PAQR4: variants seen among roughly 807,000 people sequenced by gnomAD.
The protein encoded by PAQR4 is progestin and adipoQ receptor family member IV.
Under a neutral mutation model 20.9 loss-of-function variants are expected in PAQR4, and 26 were observed. That is an observed-to-expected ratio of 1.24 (90% confidence interval 0.91 to 1.73). The LOEUF (loss-of-function observed/expected upper bound fraction) is 1.73, where lower values mean the gene tolerates loss of function less well. Ranked by LOEUF, PAQR4 falls within the 40% of genes most tolerant of loss-of-function variation. The pLI, the probability that PAQR4 is intolerant of heterozygous loss-of-function variation, is 0.00. For synonymous variants in PAQR4, 193 were observed against 171.6 expected (o/e 1.12, Z -0.97); for missense variants, 400 against 380.1 (o/e 1.05, Z -0.44).
intron 2 of PAQR4, 23 bp from the exon 3 acceptor site, chr16:2,971,492 T>G (rs1399697148): frequency 6.3e-7 from 1 of 1,576,762 alleles, no homozygotes; most frequent in East Asian, 2.2e-5. Flanking sequence ...ACATGCCCTC[T>G]CCTGTTCTCT....
Position 2,971,710 on chromosome 16 carries a change from TG to T in PAQR4, c.587del (p.Gly196ValfsTer24). On this transcript the variant is annotated frameshift_variant, in exon 3 of 3. Transcript: ENST00000318782. LOFTEE classifies it high-confidence loss of function. ...LLVFGARGVG[L>X]GSGAPGSLPC... ...GTATTTGGGGCCCGGGGAGTGGGTC[TG>T]GGTTCAGGGGCTCCAGGCTCCCTGC... 6.2e-7 allele frequency: 1 copy of T among 1,612,544 alleles called. No homozygotes were observed. The highest frequency in any genetic ancestry group is 8.5e-7 in the Non-Finnish European group (1 of 1,179,740).
At position 2,971,507 on chromosome 16, in the gene PAQR4, T is replaced by C. The variant is rs563302772; in HGVS notation, c.389-8T>C. On this transcript the variant is annotated splice_region_variant and splice_polypyrimidine_tract_variant and intron_variant, in intron 2 of 2. Transcript: ENST00000318782. The stretch of plus-strand genomic sequence containing the variant: ...ACATGCCCTCTCCTGTTCTCTCCTC[T>C]TGTGCAGGGGCCCTGCCCATCATCC... 3 of 1,580,726 alleles carry C rather than the reference T, an allele frequency of 1.9e-6. No homozygotes were observed. Among genetic ancestry groups the C allele is most frequent in the Admixed American group, 1.7e-5 (1 of 59,124 alleles).
Position 2,971,800 on chromosome 16 carries a change from C to T in PAQR4, c.674C>T (p.Pro225Leu), listed in dbSNP as rs1441246155. 1 of 1,612,768 alleles carries T rather than the reference C, an allele frequency of 6.2e-7. No individual in the cohort carries two copies. Among genetic ancestry groups the T allele is most frequent in the Non-Finnish European group, 8.5e-7 (1 of 1,179,922 alleles). The change falls in exon 3 of 3, where the codon CCC becomes CTC. Residue 225 changes from proline to leucine, a missense_variant. Coordinates refer to ENST00000318782, the MANE Select transcript of PAQR4 (RefSeq NM_152341.5). ...LGGLVNVARL[P>L]ERWGPGRFDY... ...GGACTGGTAAATGTAGCCCGTCTGC[C>T]CGAGCGCTGGGGACCTGGCCGCTTT...
In PAQR4 at chr16:2,973,005, A is replaced by G; in HGVS notation, c.*1057A>G. ...CAGGCTGAGGAGGTTCCGAGGCTCA[A>G]AGGAGGGGAAGGAGCCCCGAGGAGG... On this transcript the variant is annotated 3_prime_UTR_variant, in exon 3 of 3. Transcript: ENST00000318782. 1 of 1,610,528 alleles carries G rather than the reference A, an allele frequency of 6.2e-7. No individual in the cohort carries two copies. Among genetic ancestry groups the G allele is most frequent in the Admixed American group, 1.7e-5 (1 of 59,610 alleles).
rs1486508501 is a variant in PAQR4 at position 2,969,461 on chromosome 16, G to A, written c.-214G>A. On this transcript the variant is annotated 5_prime_UTR_variant, in exon 1 of 3. Coordinates refer to ENST00000318782, the MANE Select transcript of PAQR4 (RefSeq NM_152341.5). ...GGCGTCCGGTGCGTCCCCAGCCTCC[G>A]CCCCGGCGCGGGGGCGACGGACTCG... The A allele has an allele frequency of 2.0e-5, 6 of 302,272 alleles. No individual in the cohort carries two copies. The highest frequency in any genetic ancestry group is 5.4e-5 in the Admixed American group (1 of 18,430). 18.7% of individuals were successfully genotyped at this position (302,272 alleles called of 1,614,324 possible).
chr16:2,971,809 G>A lies in PAQR4; in HGVS notation c.683G>A (p.Trp228Ter). The change falls in exon 3 of 3, where the codon TGG (tryptophan) becomes TAG (stop). Residue 228 changes from tryptophan (W) to a stop codon, truncating the protein, a stop_gained. Coordinates refer to ENST00000318782, the MANE Select transcript of PAQR4 (RefSeq NM_152341.5). LOFTEE classifies it high-confidence loss of function. ...LVNVARLPER[W>*]GPGRFDYWGN... ...AATGTAGCCCGTCTGCCCGAGCGCT[G>A]GGGACCTGGCCGCTTTGACTACTGG... 1 of 1,612,776 alleles carries A rather than the reference G, an allele frequency of 6.2e-7. No individual in the cohort carries two copies. The highest frequency in any genetic ancestry group is 8.5e-7 in the Non-Finnish European group (1 of 1,179,902).
At position 2,971,173 on chromosome 16, in the gene PAQR4, C is replaced by G; in HGVS notation, c.183C>G (p.Gly61=). 6.2e-7 allele frequency: 1 copy of G among 1,613,344 alleles called. No homozygotes were observed. Among genetic ancestry groups the G allele is most frequent in the South Asian group, 1.1e-5 (1 of 91,086 alleles). Residue 61 remains glycine, a synonymous_variant, in exon 2 of 3, where the codon GGC becomes GGG. Transcript: ENST00000318782. ...NIYTHGLALL[G]FLVLVPMTMP... ...CCTCCCTAGGGCTGGCCCTGCTGGG[C>G]TTCCTGGTGCTGGTGCCAATGACCA...
chr16:2,972,960 G>A lies in PAQR4; in HGVS notation c.*1012G>A. 6.2e-7 allele frequency: 1 copy of A among 1,605,324 alleles called. No individual in the cohort carries two copies. Among genetic ancestry groups the A allele is most frequent in the East Asian group, 2.2e-5 (1 of 44,658 alleles). On this transcript the variant is annotated 3_prime_UTR_variant, in exon 3 of 3. Coordinates refer to ENST00000318782, the MANE Select transcript of PAQR4 (RefSeq NM_152341.5). Reference sequence around the variant, plus strand: ...AGAGGCAGAGTCTGGGGCTCAGGTTGGGTCTAGGGTGTCCTCAAACAGGCT... The same window carrying A: ...AGAGGCAGAGTCTGGGGCTCAGGTTAGGTCTAGGGTGTCCTCAAACAGGCT...
Position 2,969,638 on chromosome 16 carries a change from G to T in PAQR4, c.-37G>T. 2.0e-6 allele frequency: 3 copies of T among 1,464,960 alleles called. No homozygotes were observed. The South Asian group carries it at 4.1e-5, about 20-fold the overall frequency. The allele number at this position is 1,464,960 out of a possible 1,614,324, so 90.7% of individuals were successfully genotyped here. On this transcript the variant is annotated 5_prime_UTR_variant, in exon 1 of 3. Transcript: ENST00000318782. ...GGCCCCACTGAGGAGGAGGCTCGGG[G>T]ACAGCAGGAGCACGGGCTGCCCGCG...
rs905706784 is a variant in PAQR4, at chr16:2,973,318, AG to A, written c.*1372del. On this transcript the variant is annotated 3_prime_UTR_variant, in exon 3 of 3. Transcript: ENST00000318782. ...GGCTCCAGGCTCCCGCCTGACAAAC[AG>A]GCAGGGAGCCACAGTCAGGGACAAT... The A allele has an allele frequency of 6.6e-7, 1 of 1,519,964 alleles. No individual in the cohort carries two copies. Among genetic ancestry groups the A allele is most frequent in the Non-Finnish European group, 8.8e-7 (1 of 1,135,374 alleles). 94.2% of individuals were successfully genotyped at this position (1,519,964 alleles called of 1,614,324 possible).
rs762482861 is a variant in PAQR4 at position 2,971,786 on chromosome 16, T to G, written c.660T>G (p.Asn220Lys). The G allele has an allele frequency of 6.2e-7, 1 of 1,612,802 alleles. No individual in the cohort carries two copies. The highest frequency in any genetic ancestry group is 8.5e-7 in the Non-Finnish European group (1 of 1,179,904). The change falls in exon 3 of 3, where the codon AAT becomes AAG. Residue 220 changes from asparagine (N) to lysine (K), a missense_variant. Physicochemically the swap from Asn to Lys is moderately conservative, Grantham distance 94. Coordinates refer to ENST00000318782, the MANE Select transcript of PAQR4 (RefSeq NM_152341.5). ...DALALLGGLVNVARLPERWGP... is the reference protein window; with the variant it reads ...DALALLGGLVKVARLPERWGP... ...TGGCGCTGCTTGGGGGACTGGTAAA[T>G]GTAGCCCGTCTGCCCGAGCGCTGGG...
At chr16:2,971,432 G>A in intron 2 of PAQR4, 54 bp downstream of exon 2, 3 of 1,586,972 alleles carry the variant, frequency 1.9e-6, no homozygotes, top group Non-Finnish European at 2.6e-6. Context: ...AGAGGCATGG[G>A]GCACGCATAC....
rs996938382 is a variant in PAQR4 at position 2,969,436 on chromosome 16, G to A, written c.-239G>A. 2.9e-5 allele frequency: 7 copies of A among 238,192 alleles called. No homozygotes were observed. The highest frequency in any genetic ancestry group is 9.2e-5 in the East Asian group (1 of 10,858). The allele number at this position is 238,192 out of a possible 1,614,324, so 14.8% of individuals were successfully genotyped here. ...GGCGGAGCCGACCGCAGTGCGCTCA[G>A]GCGTCCGGTGCGTCCCCAGCCTCCG... is the stretch of plus-strand genomic sequence containing the variant. On this transcript the variant is annotated 5_prime_UTR_variant, in exon 1 of 3. Coordinates refer to ENST00000318782, the MANE Select transcript of PAQR4 (RefSeq NM_152341.5).
chr16:2,969,360 G>C lies in PAQR4; in HGVS notation c.-315G>C, dbSNP rs2071915374. ...TCCTCCTGGCTGCAGAGAGACTACC[G>C]GCCACCGCCGCCGCCGCCGCCGCGA... On this transcript the variant is annotated 5_prime_UTR_variant, in exon 1 of 3. Transcript: ENST00000318782. The C allele has an allele frequency of 6.2e-6, 1 of 161,422 alleles. No individual in the cohort carries two copies. Among genetic ancestry groups the C allele is most frequent in the Non-Finnish European group, 1.4e-5 (1 of 73,880 alleles). The allele number at this position is 161,422 out of a possible 1,614,324, so 10.0% of individuals were successfully genotyped here.
At position 2,971,998 on chromosome 16, in the gene PAQR4, G is replaced by A. The variant is rs770048040; in HGVS notation, c.*50G>A. 10 of 1,491,248 alleles carry A rather than the reference G, an allele frequency of 6.7e-6. No homozygotes were observed. The highest frequency in any genetic ancestry group is 2.4e-4 in the Middle Eastern group (1 of 4,176). 92.4% of individuals were successfully genotyped at this position (1,491,248 alleles called of 1,614,324 possible). A position where few individuals can be genotyped will look rare whatever the true frequency, so the allele number is the denominator to read the frequency against. ...CAGCCTCCTAGAGTTAGCAACACCA[G>A]GTGTTCCTCCCAACTCGTCTGCAAG... On this transcript the variant is annotated 3_prime_UTR_variant, in exon 3 of 3. Transcript: ENST00000318782.
chr16:2,972,597 C>T lies in PAQR4; in HGVS notation c.*649C>T. ...ACCCCTGGGCCGTGCCTGCCCTCCA[C>T]CTTGAGTGCCATACTCCCAACAGCT... On this transcript the variant is annotated 3_prime_UTR_variant, in exon 3 of 3. Transcript: ENST00000318782. 2.0e-6 allele frequency: 3 copies of T among 1,530,368 alleles called. No homozygotes were observed. Among genetic ancestry groups the T allele is most frequent in the Non-Finnish European group, 2.6e-6 (3 of 1,143,430 alleles). 94.8% of individuals were successfully genotyped at this position (1,530,368 alleles called of 1,614,324 possible).
chr16:2,970,287 TCCC>T, intron 1 of PAQR4: 1 of 162,906 alleles, frequency 6.1e-6, no homozygotes, highest in East Asian at 1.9e-4. Flanking sequence ...GGCTCCTTCT[TCCC>T]CCAACAGGCG....
rs547118978 is a variant in PAQR4 at position 2,969,848 on chromosome 16, G to C, written c.166+8G>C. ...GCAACATCTACACGCACGGTGAGCC[G>C]CGTCCCGCAACGCGCTTCCCACACC... On this transcript the variant is annotated splice_region_variant and intron_variant, in intron 1 of 2. Coordinates refer to ENST00000318782, the MANE Select transcript of PAQR4 (RefSeq NM_152341.5). The C allele has an allele frequency of 5.6e-6, 9 of 1,608,828 alleles. No homozygotes were observed. In the South Asian group the frequency reaches 8.8e-5, roughly 16 times the overall value.
Position 2,972,531 on chromosome 16 carries a change from A to G in PAQR4, c.*583A>G, listed in dbSNP as rs977837851. ...CACAAGGGCTGCAGCTGCTTCTTCC[A>G]GGAAACTGACACAGGGAGCTCAGCG... On this transcript the variant is annotated 3_prime_UTR_variant, in exon 3 of 3. Coordinates refer to ENST00000318782, the MANE Select transcript of PAQR4 (RefSeq NM_152341.5). 14 of 1,332,272 alleles carry G rather than the reference A, an allele frequency of 1.1e-5. No individual in the cohort carries two copies. The highest frequency in any genetic ancestry group is 1.4e-5 in the Non-Finnish European group (14 of 989,012). The allele number at this position is 1,332,272 out of a possible 1,614,324, so 82.5% of individuals were successfully genotyped here. A position where few individuals can be genotyped will look rare whatever the true frequency, so the allele number is the denominator to read the frequency against.
Sources: gnomAD v4.1 joint callset for allele counts on GRCh38, gnomAD v4.1.1 for gene constraint, MANE v1.5 for transcripts, NCBI Gene and HGNC (gene_info 2026-07-23, HGNC 2026-07-21) for gene names.